LDB2: variants seen among roughly 807,000 people sequenced by gnomAD.
The protein encoded by LDB2 is LIM domain-binding protein 2.
A neutral mutation model predicts 44.3 loss-of-function variants in LDB2; 12 were observed. The ratio of observed to expected loss-of-function variants is 0.27; its 90% confidence interval spans 0.17 to 0.44. LDB2 has a LOEUF of 0.44. Ranked by LOEUF, LDB2 falls within the 20% of genes least tolerant of loss-of-function variation. LDB2 has a pLI of 1.00. For synonymous variants in LDB2, 164 were observed against 174.8 expected (o/e 0.94, Z 0.49); for missense variants, 344 against 473.5 (o/e 0.73, Z 2.54).
intron 1 of LDB2, among the ~76,000 whole-genome samples, chr4:16,778,681 GT>G (rs1204374891): frequency 6.6e-6 from 1 of 152,152 alleles, no homozygotes; most frequent in Admixed American, 6.5e-5. Context: ...CCATTTTGAA[GT>G]GTTTTCTCTC....
At chr4:16,727,808 T>C (rs1759846224) in intron 2 of LDB2, among the ~76,000 whole-genome samples, 1 of 152,218 alleles carries the variant, frequency 6.6e-6, no homozygotes, top group African/African-American at 2.4e-5. Flanking sequence ...TTTTTTAAGA[T>C]GGAGGCAAGT....
intron 2 of LDB2, among the ~76,000 whole-genome samples, chr4:16,727,317 T>A (rs1327891257): frequency 6.6e-6 from 1 of 152,170 alleles, no homozygotes; most frequent in African/African-American, 2.4e-5. Context: ...CCTCAGCAAT[T>A]TCCAAACGAA....
intron 5 of LDB2, among the ~76,000 whole-genome samples, chr4:16,522,956 A>T (rs1437436593): frequency 6.6e-6 from 1 of 152,204 alleles, no homozygotes; most frequent in African/African-American, 2.4e-5. Flanking sequence ...AGTTTTAAAG[A>T]TTCTTATTGA....
chr4:16,664,545 A>T lies in LDB2; in HGVS notation c.236-68670T>A, dbSNP rs139108661. On this transcript the variant is annotated intron_variant, in intron 2 of 7. Transcript: ENST00000304523. Reference sequence around the variant, plus strand: ...CCCCCGTGTTGATCTGAACTGTGAAAGGGTTCTTGATTCTCCATTTAATTA... The same window carrying T: ...CCCCCGTGTTGATCTGAACTGTGAATGGGTTCTTGATTCTCCATTTAATTA... 3.5e-3 allele frequency among the ~76,000 whole-genome samples: 527 copies of T among 152,150 alleles called. 2 individuals are homozygous for T. The highest frequency in any genetic ancestry group is 0.012 in the African/African-American group (501 of 41,494).
chr4:16,824,352 G>A (rs1178846264), intron 1 of LDB2, among the ~76,000 whole-genome samples: 2 of 152,128 alleles, frequency 1.3e-5, no homozygotes, highest in Admixed American at 6.5e-5. Context: ...CCACCCACAC[G>A]CCTTGGCCAA....
intron 1 of LDB2, among the ~76,000 whole-genome samples, chr4:16,865,772 G>A (rs771786540): frequency 7.2e-5 from 11 of 152,144 alleles, no homozygotes; most frequent in Non-Finnish European, 1.6e-4. Context: ...GCATTCATCT[G>A]AGAGAGCTCA....
intron 2 of LDB2, among the ~76,000 whole-genome samples, chr4:16,616,060 C>G (rs985505932): frequency 2.6e-5 from 4 of 152,160 alleles, no homozygotes; most frequent in Admixed American, 1.3e-4. Flanking sequence ...AACTCTACCC[C>G]CTTACCCTAA....
intron 2 of LDB2, among the ~76,000 whole-genome samples, chr4:16,661,316 G>A (rs980906040): frequency 1.3e-5 from 2 of 152,158 alleles, no homozygotes; most frequent in African/African-American, 2.4e-5. Flanking sequence ...TATTACTTTG[G>A]CCCATGGCTT....
At chr4:16,799,260 A>G (rs960072842) in intron 1 of LDB2, among the ~76,000 whole-genome samples, 3 of 152,248 alleles carry the variant, frequency 2.0e-5, no homozygotes, top group South Asian at 2.1e-4. Flanking sequence ...TGGAGGATCT[A>G]GAAAGAAGTC....
chr4:16,626,645 T>G (rs1259927413), intron 2 of LDB2: 1 of 152,198 alleles, frequency 6.6e-6, no homozygotes, highest in Non-Finnish European at 1.5e-5. Context: ...AGATTTTTTT[T>G]TTTCATTTAC....
chr4:16,818,343 C>T (rs769361172), intron 1 of LDB2, among the ~76,000 whole-genome samples: 3 of 152,168 alleles, frequency 2.0e-5, no homozygotes, highest in African/African-American at 2.4e-5. Context: ...TCTTACCCAA[C>T]ACAGCCCCAC....
chr4:16,654,370 G>A (rs1739155545), intron 2 of LDB2, among the ~76,000 whole-genome samples: 1 of 152,078 alleles, frequency 6.6e-6, no homozygotes, highest in Admixed American at 6.6e-5. Context: ...AGTAAGGCAG[G>A]GGAAAAATGA....
chr4:16,663,944 T>G (rs1319867865), intron 2 of LDB2, among the ~76,000 whole-genome samples: 5 of 152,078 alleles, frequency 3.3e-5, no homozygotes, highest in Non-Finnish European at 7.4e-5. Context: ...GACCACACAT[T>G]AACACAGACA....
chr4:16,564,601 C>T (rs1743805259), intron 5 of LDB2, among the ~76,000 whole-genome samples: 1 of 152,192 alleles, frequency 6.6e-6, no homozygotes, highest in Admixed American at 6.5e-5. Context: ...TAAAATCTTT[C>T]AAATGCATTC....
chr4:16,814,957 T>C (rs1224320223), intron 1 of LDB2, among the ~76,000 whole-genome samples: 1 of 152,250 alleles, frequency 6.6e-6, no homozygotes, highest in Non-Finnish European at 1.5e-5. Context: ...AGTATCTTCC[T>C]TTTAATAAAC....
At chr4:16,847,733 C>A (rs1443108061) in intron 1 of LDB2, among the ~76,000 whole-genome samples, 1 of 152,170 alleles carries the variant, frequency 6.6e-6, no homozygotes, top group Non-Finnish European at 1.5e-5. Context: ...TCTCCTGCCT[C>A]AGCCTCCCGA....
intron 2 of LDB2, among the ~76,000 whole-genome samples, chr4:16,694,875 A>G (rs760835791): frequency 6.6e-6 from 1 of 152,220 alleles, no homozygotes; most frequent in East Asian, 1.9e-4. Context: ...AATGAATCCT[A>G]GAGTTATGAT....
At chr4:16,696,353 A>G (rs1308074904) in intron 2 of LDB2, among the ~76,000 whole-genome samples, 1 of 152,202 alleles carries the variant, frequency 6.6e-6, no homozygotes, top group African/African-American at 2.4e-5. Flanking sequence ...GCGAGTAGAC[A>G]ATTTTTCAGT....
At position 16,743,840 on chromosome 4, in the gene LDB2, T is replaced by C. The variant is rs923343081; in HGVS notation, c.235+15318A>G. Among the ~76,000 whole-genome samples, 37 of 152,350 alleles carry C rather than the reference T, an allele frequency of 2.4e-4. 1 individual carries two copies. The highest frequency in any genetic ancestry group is 8.4e-4 in the African/African-American group (35 of 41,596). On this transcript the variant is annotated intron_variant, in intron 2 of 7. Transcript: ENST00000304523. ...CACCCAGCAACCTAGCCTGGACTCC[T>C]GATGCAGGTAAACTGTGAGATAATA... is the stretch of plus-strand genomic sequence containing the variant.
Sources: allele counts gnomAD v4.1 joint callset (sites outside exome capture counted in the v4.1 genomes callset), GRCh38; gene constraint gnomAD v4.1.1; transcripts MANE v1.5; gene names NCBI Gene and HGNC (gene_info 2026-07-23, HGNC 2026-07-21).